DPYSL5: variants seen among roughly 807,000 people sequenced by gnomAD.
DPYSL5 encodes the protein dihydropyrimidinase-related protein 5.
A neutral mutation model predicts 58.4 loss-of-function variants in DPYSL5; 9 were observed. The observed-to-expected ratio is 0.15, with a 90% CI of 0.09 to 0.27. The LOEUF is 0.27. Ranked by LOEUF, DPYSL5 falls within the 10% of genes least tolerant of loss-of-function variation. The pLI, the probability that DPYSL5 is intolerant of heterozygous loss-of-function variation, is 1.00. For missense variants in DPYSL5, 499 were observed against 770.6 expected (o/e 0.65, Z 4.17); for synonymous variants, 293 against 301.9 (o/e 0.97, Z 0.31).
At chr2:26,890,631 C>T (rs534827712) in intron 1 of DPYSL5, among the ~76,000 whole-genome samples, 2 of 152,358 alleles carry the variant, frequency 1.3e-5, no homozygotes, top group African/African-American at 4.8e-5. Flanking sequence ...GCTCACCCCT[C>T]CTTCTGTATG....
intron 2 of DPYSL5, among the ~76,000 whole-genome samples, chr2:26,900,417 A>C (rs541493088): frequency 6.6e-6 from 1 of 152,154 alleles, no homozygotes; most frequent in Non-Finnish European, 1.5e-5. Context: ...TCATAAATTC[A>C]TTCACTTTCA....
At chr2:26,872,531 A>G (rs1663292366) in intron 1 of DPYSL5, among the ~76,000 whole-genome samples, 1 of 152,164 alleles carries the variant, frequency 6.6e-6, no homozygotes, top group African/African-American at 2.4e-5. Flanking sequence ...CTCTACTAAA[A>G]ATACAAAATT....
chr2:26,935,325 T>C (rs1665143957), intron 8 of DPYSL5, among the ~76,000 whole-genome samples: 1 of 152,194 alleles, frequency 6.6e-6, no homozygotes, highest in African/African-American at 2.4e-5. Context: ...CTGAATTCAG[T>C]GGGACCCAAT....
In DPYSL5 at chr2:26,925,532, A is replaced by G. The variant is rs1184250322; in HGVS notation, c.420+487A>G. 6.6e-6 allele frequency among the ~76,000 whole-genome samples: 1 copy of G among 152,122 alleles called. No homozygotes were observed. Among genetic ancestry groups the G allele is most frequent in the African/African-American group, 2.4e-5 (1 of 41,424 alleles). On this transcript the variant is annotated intron_variant, in intron 3 of 12. Coordinates refer to ENST00000288699, the MANE Select transcript of DPYSL5 (RefSeq NM_020134.4). The surrounding 1 kb of genome is among the most constrained non-coding windows in gnomAD (Gnocchi z 4.5). ...AAGGAATGTGGTATGCTTTTTTCCT[A>G]CTGGGGGCCCAGCTTCTGCTCTGAG... is the stretch of plus-strand genomic sequence containing the variant.
intron 2 of DPYSL5, among the ~76,000 whole-genome samples, chr2:26,903,190 C>A (rs558420661): frequency 1.3e-5 from 2 of 152,216 alleles, no homozygotes; most frequent in South Asian, 4.1e-4. Flanking sequence ...ATGCCTCAGC[C>A]TCCTGAGTAG....
At chr2:26,945,274 C>T (rs912890796) in intron 12 of DPYSL5, among the ~76,000 whole-genome samples, 12 of 150,598 alleles carry the variant, frequency 8.0e-5, no homozygotes, top group Non-Finnish European at 1.8e-4. Flanking sequence ...CTTCCCACAC[C>T]TTTCCCCGCC....
chr2:26,915,190 G>A (rs750429132), intron 2 of DPYSL5, among the ~76,000 whole-genome samples: 5 of 151,934 alleles, frequency 3.3e-5, no homozygotes, highest in South Asian at 2.1e-4. Flanking sequence ...AACCTAACAC[G>A]CTCCGTGTCC....
chr2:26,865,264 G>A (rs1666111697), intron 1 of DPYSL5, among the ~76,000 whole-genome samples: 1 of 147,264 alleles, frequency 6.8e-6, no homozygotes, highest in Non-Finnish European at 1.5e-5. Flanking sequence ...CCTCCTAACT[G>A]TAGAGTCCTC....
rs149316496 is a variant in DPYSL5, at chr2:26,923,740, G to T, written c.262-1147G>T. 4.8e-3 allele frequency among the ~76,000 whole-genome samples: 737 copies of T among 152,064 alleles called. 6 individuals carry two copies. Among genetic ancestry groups the T allele is most frequent in the African/African-American group, 0.017 (700 of 41,468 alleles). On this transcript the variant is annotated intron_variant, in intron 2 of 12. Coordinates refer to ENST00000288699, the MANE Select transcript of DPYSL5 (RefSeq NM_020134.4). ...CAATGCCGCATTCTTGGCTCACTGC[G>T]ACCTCCACCTCCCAGGTTCAAGCAA...
intron 1 of DPYSL5, among the ~76,000 whole-genome samples, chr2:26,884,202 G>A (rs1321627370): frequency 6.6e-6 from 1 of 152,160 alleles, no homozygotes; most frequent in African/African-American, 2.4e-5. Flanking sequence ...TGCCTCCTCT[G>A]GTCACAGACG....
intron 1 of DPYSL5, among the ~76,000 whole-genome samples, chr2:26,884,003 T>G (rs1663642863): frequency 6.6e-6 from 1 of 152,158 alleles, no homozygotes; most frequent in African/African-American, 2.4e-5. Context: ...CATTTGGCCC[T>G]TGTTCTAGGA....
In DPYSL5 at chr2:26,929,227, CTTTAT is replaced by C. The variant is rs529892240; in HGVS notation, c.669+917_669+921del. On this transcript the variant is annotated intron_variant, in intron 5 of 12. Transcript: ENST00000288699. ...TGATCTGAGGTGGAACAGTTTCTTT[CTTTAT>C]TTTATTTTATTTATTTTGAGATGGA... 7.0e-4 allele frequency among the ~76,000 whole-genome samples: 106 copies of C among 152,116 alleles called. No homozygotes were observed. In the South Asian group the frequency reaches 0.021, roughly 30 times the overall value.
chr2:26,866,807 C>T (rs1391597410), intron 1 of DPYSL5, among the ~76,000 whole-genome samples: 1 of 150,488 alleles, frequency 6.6e-6, no homozygotes, highest in Admixed American at 6.6e-5. Flanking sequence ...TCTCGGCTCA[C>T]TGCAACCTCC....
intron 1 of DPYSL5, among the ~76,000 whole-genome samples, chr2:26,867,787 C>A (rs1427103085): frequency 6.6e-6 from 1 of 152,234 alleles, no homozygotes; most frequent in Non-Finnish European, 1.5e-5. Context: ...GCCAACAGTG[C>A]TGCAGTGGAC....
At chr2:26,888,946 C>T (rs1054049049) in intron 1 of DPYSL5, among the ~76,000 whole-genome samples, 1 of 152,016 alleles carries the variant, frequency 6.6e-6, no homozygotes, top group Non-Finnish European at 1.5e-5. Context: ...GCTCTCTTCC[C>T]GGCTTACAGA....
intron 1 of DPYSL5, among the ~76,000 whole-genome samples, chr2:26,885,025 C>A (rs1331367316): frequency 6.6e-6 from 1 of 152,044 alleles, no homozygotes; most frequent in East Asian, 1.9e-4. Context: ...CATGGTGAAA[C>A]CCCATCTCTA....
At chr2:26,885,932 G>A (rs1412359142) in intron 1 of DPYSL5, among the ~76,000 whole-genome samples, 1 of 152,198 alleles carries the variant, frequency 6.6e-6, no homozygotes, top group African/African-American at 2.4e-5. Flanking sequence ...GTCGACCCTG[G>A]CCTGGGTTGG....
intron 1 of DPYSL5, among the ~76,000 whole-genome samples, chr2:26,889,081 A>C (rs1314977420): frequency 3.3e-5 from 5 of 152,092 alleles, no homozygotes; most frequent in African/African-American, 1.2e-4. Context: ...CCCACCTCCA[A>C]ATACTGTCAC....
chr2:26,911,767 CTT>C (rs1278396664), intron 2 of DPYSL5, among the ~76,000 whole-genome samples: 1 of 152,130 alleles, frequency 6.6e-6, no homozygotes, highest in Non-Finnish European at 1.5e-5. Context: ...TTACAGAATC[CTT>C]TGTTACCGTC....
Sources: gnomAD v4.1 joint callset for allele counts (sites outside exome capture counted in the v4.1 genomes callset) on GRCh38, gnomAD v4.1.1 for gene constraint, Gnocchi (gnomAD v3.1) non-coding constraint, MANE v1.5 for transcripts, NCBI Gene and HGNC (gene_info 2026-07-23, HGNC 2026-07-21) for gene names.